The following CFH variants were observed in gnomAD, a reference collection of about 807,000 sequenced individuals.
CFH encodes the protein complement factor H.
Under a neutral mutation model 147.3 loss-of-function variants are expected in CFH, and 53 were observed. That is an observed-to-expected ratio of 0.36 (90% CI 0.29 to 0.45). The LOEUF is 0.45. Ranked by LOEUF, CFH falls within the 20% of genes least tolerant of loss-of-function variation. CFH has a pLI of 1.00. For missense variants in CFH, 1,380 were observed against 1,498.0 expected (o/e 0.92, Z 1.30); for synonymous variants, 536 against 489.4 (o/e 1.10, Z -1.26).
chr1:196,661,196 A>G (rs1293788952), intron 1 of CFH, among the ~76,000 whole-genome samples: 2 of 152,332 alleles, frequency 1.3e-5, no homozygotes, highest in East Asian at 1.9e-4. Flanking sequence ...ATATGAGTTC[A>G]CTAATACAAA....
intron 7 of CFH, among the ~76,000 whole-genome samples, chr1:196,687,372 A>G (rs1317165617): frequency 6.6e-6 from 1 of 152,096 alleles, no homozygotes; most frequent in South Asian, 2.1e-4. Context: ...TGTAAAAGGG[A>G]TAAAAACAGA....
chr1:196,724,866 A>T (rs1669098437), intron 11 of CFH, among the ~76,000 whole-genome samples: 1 of 152,224 alleles, frequency 6.6e-6, no homozygotes, highest in Non-Finnish European at 1.5e-5. Context: ...AACTAGATTC[A>T]TTGTAAATAA....
intron 15 of CFH, among the ~76,000 whole-genome samples, chr1:196,734,384 C>T (rs1669351250): frequency 6.6e-6 from 1 of 152,042 alleles, no homozygotes; most frequent in African/African-American, 2.4e-5. Flanking sequence ...CACTCCCTGC[C>T]TAGCTCTTTA....
At chr1:196,736,624 A>G (rs2149113013) in intron 15 of CFH, among the ~76,000 whole-genome samples, 200 bp from the exon 16 acceptor site, 1 of 152,046 alleles carries the variant, frequency 6.6e-6, no homozygotes, top group Non-Finnish European at 1.5e-5. Flanking sequence ...TGTTTAATGT[A>G]ACTGTTACAC....
chr1:196,674,952 T>C (rs1255991408), intron 3 of CFH, among the ~76,000 whole-genome samples: 2 of 152,178 alleles, frequency 1.3e-5, no homozygotes, highest in East Asian at 3.8e-4. Context: ...TAATTTCTTA[T>C]GAATTTATTC....
In CFH at chr1:196,726,663, A is replaced by C. The variant is rs748067941; in HGVS notation, c.2056+11A>C. On this transcript the variant is annotated intron_variant, in intron 13 of 21. Coordinates refer to ENST00000367429, the MANE Select transcript of CFH (RefSeq NM_000186.4). ...TACCAGTGTGTATTGGTAATGTATA[A>C]AATATTAATATTTAAACTTGTCAAA... 2.5e-6 allele frequency: 4 copies of C among 1,606,736 alleles called. No homozygotes were observed. Among genetic ancestry groups the C allele is most frequent in the Non-Finnish European group, 3.4e-6 (4 of 1,173,768 alleles).
At position 196,728,478 on chromosome 1, in the gene CFH, C is replaced by G. The variant is rs1669202053; in HGVS notation, c.2369C>G (p.Thr790Arg). ...AGAGGAAAAGAAGGATGGATACACA[C>G]AGTCTGCATAAATGGAAGATGGGAT... is the stretch of plus-strand genomic sequence containing the variant. The part of the protein sequence containing the change: ...RCRGKEGWIH[T>R]VCINGRWDPE... The change falls in exon 15 of 22, where the codon ACA becomes AGA. Residue 790 changes from threonine (T) to arginine (R), a missense_variant. Thr to Arg is a moderately conservative substitution (Grantham distance 71, BLOSUM62 -1). This residue lies in a region of CFH where 830 missense variants were observed against 821.4 expected (regional missense o/e 1.01). Transcript: ENST00000367429. The G allele has an allele frequency of 1.2e-6, 2 of 1,612,934 alleles. No homozygotes were observed. Among genetic ancestry groups the G allele is most frequent in the Non-Finnish European group, 1.7e-6 (2 of 1,179,192 alleles).
chr1:196,684,482 T>C (rs1368012648), intron 6 of CFH, among the ~76,000 whole-genome samples: 1 of 152,026 alleles, frequency 6.6e-6, no homozygotes, highest in African/African-American at 2.4e-5. Flanking sequence ...ATTGTAAGAA[T>C]CAAGTGACAG....
At position 196,726,831 on chromosome 1, in the gene CFH, T is replaced by C; in HGVS notation, c.2127T>C (p.Tyr709=). The change falls in exon 14 of 22, where the codon TAT becomes TAC. Residue 709 remains tyrosine, a synonymous_variant. Coordinates refer to ENST00000367429, the MANE Select transcript of CFH (RefSeq NM_000186.4). ...HGWAQLSSPP[Y]YYGDSVEFNC... is the part of the protein sequence containing the mutation. Reference sequence around the variant, plus strand: ...GGGCCCAGCTTTCTTCCCCTCCTTATTACTATGGAGATTCAGTGGAATTCA... The same window carrying C: ...GGGCCCAGCTTTCTTCCCCTCCTTACTACTATGGAGATTCAGTGGAATTCA... 1 of 1,612,906 alleles carries C rather than the reference T, an allele frequency of 6.2e-7. No individual in the cohort carries two copies. The highest frequency in any genetic ancestry group is 1.3e-5 in the African/African-American group (1 of 75,010).
intron 17 of CFH, among the ~76,000 whole-genome samples, chr1:196,738,819 G>T (rs1266147927): frequency 6.6e-6 from 1 of 152,154 alleles, no homozygotes; most frequent in Non-Finnish European, 1.5e-5. Context: ...GCCTCAGTGG[G>T]GACTCTATGT....
intron 15 of CFH, among the ~76,000 whole-genome samples, chr1:196,735,853 T>A (rs1312862208): frequency 6.6e-6 from 1 of 152,062 alleles, no homozygotes; most frequent in Admixed American, 6.6e-5. Flanking sequence ...ATCAATAACC[T>A]TTAATGAAGT....
At chr1:196,740,095 A>C (rs1038248523) in intron 17 of CFH, among the ~76,000 whole-genome samples, 2 of 152,144 alleles carry the variant, frequency 1.3e-5, no homozygotes, top group African/African-American at 2.4e-5. Flanking sequence ...CAGAGGAAAA[A>C]TCGCCCTCAT....
intron 9 of CFH, chr1:196,701,333 C>T: frequency 6.2e-7 from 1 of 1,613,800 alleles, no homozygotes. Context: ...ACCCTCTGAA[C>T]TTCTGATCGA....
At chr1:196,666,296 T>C (rs139555536) in intron 1 of CFH, among the ~76,000 whole-genome samples, 18 of 152,352 alleles carry the variant, frequency 1.2e-4, no homozygotes, top group African/African-American at 4.3e-4. Flanking sequence ...TTTAATGTTT[T>C]ACTAGTTTCT....
intron 4 of CFH, among the ~76,000 whole-genome samples, chr1:196,676,667 T>C (rs1022829947): frequency 1.3e-5 from 2 of 152,110 alleles, no homozygotes; most frequent in African/African-American, 4.8e-5. Flanking sequence ...ACCAGAGTAG[T>C]ATTTCCTAAT....
At chr1:196,681,167 C>T (rs372046497) in intron 6 of CFH, among the ~76,000 whole-genome samples, 3 of 151,934 alleles carry the variant, frequency 2.0e-5, no homozygotes, top group East Asian at 3.9e-4. Context: ...AACTTATAAA[C>T]CACTTATTTT....
chr1:196,664,743 G>A (rs1247686590), intron 1 of CFH, among the ~76,000 whole-genome samples: 3 of 151,908 alleles, frequency 2.0e-5, no homozygotes, highest in Non-Finnish European at 2.9e-5. Context: ...ATTCAGATGG[G>A]TGTAGCATAA....
intron 9 of CFH, among the ~76,000 whole-genome samples, chr1:196,696,532 A>T (rs534931776): frequency 1.9e-4 from 29 of 152,160 alleles, no homozygotes; most frequent in Non-Finnish European, 3.8e-4. Context: ...TTGACACCCT[A>T]ACACCTCAAT....
At chr1:196,731,595 A>G (rs1403872797) in intron 15 of CFH, among the ~76,000 whole-genome samples, 1 of 151,974 alleles carries the variant, frequency 6.6e-6, no homozygotes, top group African/African-American at 2.4e-5. Context: ...AGTAAGTTTT[A>G]TACTTTAACA....
Sources: allele counts gnomAD v4.1 joint callset (sites outside exome capture counted in the v4.1 genomes callset), GRCh38; gene constraint gnomAD v4.1.1; regional missense constraint gnomAD v4.1.1; transcripts MANE v1.5; gene names NCBI Gene and HGNC (gene_info 2026-07-23, HGNC 2026-07-21).